Variants in ZNF274 observed in about 807,000 individuals in gnomAD.
ZNF274 encodes the protein zinc finger protein 274.
ZNF274 carries 23 observed loss-of-function variants against 42.5 expected under a neutral mutation model. That is an observed-to-expected ratio of 0.54 (90% CI 0.39 to 0.77). The LOEUF is 0.77. Ranked by LOEUF, ZNF274 falls within the 30% of genes least tolerant of loss-of-function variation. The pLI is 0.00. For synonymous variants in ZNF274, 292 were observed against 305.4 expected, an observed-to-expected ratio of 0.96 and a Z score of 0.46; for missense variants, 679 against 806.5, an observed-to-expected ratio of 0.84 and a Z score of 1.91.
chr19:58,205,143 T>A (rs1037923387), intron 4 of ZNF274, among the ~76,000 whole-genome samples: 12 of 152,302 alleles, frequency 7.9e-5, no homozygotes, highest in Non-Finnish European at 1.6e-4. Flanking sequence ...CTCCAGTAGA[T>A]TCATCCCGTG....
intron 4 of ZNF274, among the ~76,000 whole-genome samples, chr19:58,200,702 G>A (rs1200662722): frequency 6.6e-6 from 1 of 152,192 alleles, no homozygotes; most frequent in Non-Finnish European, 1.5e-5. Flanking sequence ...GATGGTGGCT[G>A]TGGGAGACCC....
intron 4 of ZNF274, among the ~76,000 whole-genome samples, chr19:58,188,690 A>ATATG (rs1483822386): frequency 4.4e-5 from 3 of 68,244 alleles, no homozygotes; most frequent in South Asian, 6.3e-4. Flanking sequence ...ATATATATGT[A>ATATG]TATGTATATA....
At chr19:58,190,151 CTT>C (rs527745785) in intron 4 of ZNF274, among the ~76,000 whole-genome samples, 37 of 130,772 alleles carry the variant, frequency 2.8e-4, no homozygotes, top group Admixed American at 4.0e-4. Context: ...TTATCTCTCT[CTT>C]TTTTTTTTTT....
chr19:58,209,748 T>C, intron 5 of ZNF274: 1 of 476,690 alleles, frequency 2.1e-6, no homozygotes, highest in South Asian at 2.5e-5. Context: ...CCTTGGAGGG[T>C]GAGCCATCCC....
intron 2 of ZNF274, 144 bp from the exon 3 acceptor site, chr19:58,185,568 A>G (rs947043098): frequency 4.9e-6 from 4 of 818,376 alleles, no homozygotes; most frequent in Admixed American, 3.3e-5. Flanking sequence ...AGACAAAGAC[A>G]GGAACTCAGG....
Position 58,212,954 on chromosome 19 carries a change from C to T in ZNF274, c.1773C>T (p.Tyr591=). 1 of 1,613,974 alleles carries T rather than the reference C, an allele frequency of 6.2e-7. No homozygotes were observed. Among genetic ancestry groups the T allele is most frequent in the Non-Finnish European group, 8.5e-7 (1 of 1,179,868 alleles). ...HLRTHTGAKP[Y]KCQDCGKAFR... ...GGACTCACACTGGCGCTAAGCCCTA[C>T]AAGTGTCAGGACTGTGGAAAAGCCT... Residue 591 remains tyrosine, a synonymous_variant, in exon 8 of 8, where the codon TAC becomes TAT. Coordinates refer to ENST00000617501, the MANE Select transcript of ZNF274 (RefSeq NM_133502.3). The surrounding 1 kb of genome is among the most constrained non-coding windows in gnomAD (Gnocchi z 4.6).
At chr19:58,202,249 T>C (rs2075921760) in intron 4 of ZNF274, 1 of 152,230 alleles carries the variant, frequency 6.6e-6, no homozygotes, top group Non-Finnish European at 1.5e-5. Flanking sequence ...AACAGCACTG[T>C]GAGGAAGACA....
Position 58,212,608 on chromosome 19 carries a change from A to G in ZNF274, c.1427A>G (p.Gln476Arg), listed in dbSNP as rs759186966. ...VKIHQKSCER[Q>R]KAKEGNGCRK... is the part of the protein sequence containing the mutation. ...ATTCATCAGAAGAGCTGTGAAAGGC[A>G]AAAGGCCAAGGAAGGCAATGGTTGT... Residue 476 changes from glutamine to arginine, a missense_variant, in exon 8 of 8, where the codon CAA (glutamine) becomes CGA (arginine). Gln to Arg is a conservative substitution (Grantham distance 43, BLOSUM62 1). Transcript: ENST00000617501. This position sits in a 1 kb window ranked among gnomAD's most constrained non-coding sequence, Gnocchi z 4.6. 5 of 1,613,908 alleles carry G rather than the reference A, an allele frequency of 3.1e-6. No individual in the cohort carries two copies. The East Asian group carries it at 8.9e-5, about 29-fold the overall frequency.
Position 58,211,465 on chromosome 19 carries a change from A to G in ZNF274, c.853-95A>G. ...AAGCAGGAGAGTCCCTAGCACCGTGAGCTCTGTCAGAACCTCCCAGCTGGC... is the reference window on the plus strand; with the variant it reads ...AAGCAGGAGAGTCCCTAGCACCGTGGGCTCTGTCAGAACCTCCCAGCTGGC... On this transcript the variant is annotated intron_variant, in intron 6 of 7. Transcript: ENST00000617501. This position sits in a 1 kb window ranked among gnomAD's most constrained non-coding sequence, Gnocchi z 4.8. 1 of 1,475,134 alleles carries G rather than the reference A, an allele frequency of 6.8e-7. No homozygotes were observed. Among genetic ancestry groups the G allele is most frequent in the Non-Finnish European group, 9.1e-7 (1 of 1,096,732 alleles). 91.4% of individuals were successfully genotyped at this position (1,475,134 alleles called of 1,614,324 possible). A position where few individuals can be genotyped will look rare whatever the true frequency, so the allele number is the denominator to read the frequency against.
At chr19:58,201,776 A>G (rs547891517) in intron 4 of ZNF274, among the ~76,000 whole-genome samples, 6 of 152,138 alleles carry the variant, frequency 3.9e-5, no homozygotes, top group African/African-American at 1.4e-4. Flanking sequence ...CGGCCTCCCA[A>G]AGTGCTGGGA....
rs2075984304 is a variant in ZNF274 at position 58,206,859 on chromosome 19, T to C, written c.396T>C (p.Tyr132=). The change falls in exon 5 of 8, where the codon TAT becomes TAC. Residue 132 remains tyrosine (Y), a synonymous_variant. Coordinates refer to ENST00000617501, the MANE Select transcript of ZNF274 (RefSeq NM_133502.3). ...GGAATGCCCAGATCCAGGCCCTATA[T>C]GCTGAAGATGGAAGCCTGAGTGCAG... ...GPRNAQIQAL[Y]AEDGSLSADA... 1.2e-6 allele frequency: 2 copies of C among 1,613,972 alleles called. No homozygotes were observed. The highest frequency in any genetic ancestry group is 1.1e-5 in the South Asian group (1 of 91,052).
At position 58,210,109 on chromosome 19, in the gene ZNF274, A is replaced by G. The variant is rs140213422; in HGVS notation, c.852+36A>G. ...AGTATCACCCTGTTTTGGTCACAGC[A>G]TCTCCTGTGAGGCAGGCCCACCCCT... On this transcript the variant is annotated intron_variant, in intron 6 of 7. Coordinates refer to ENST00000617501, the MANE Select transcript of ZNF274 (RefSeq NM_133502.3). 6.3e-3 allele frequency: 9,963 copies of G among 1,581,010 alleles called. 57 individuals are homozygous for G. Among genetic ancestry groups the G allele is most frequent in the Non-Finnish European group, 7.9e-3 (9,065 of 1,153,372 alleles).
chr19:58,212,868 T>C lies in ZNF274; in HGVS notation c.1687T>C (p.Phe563Leu), dbSNP rs1180891216. Reference sequence around the variant, plus strand: ...GAGAGTTCATTCTGGAGAGAGACCATTTGAATGTCAGGAGTGTGGGAGGAC... The same window carrying C: ...GAGAGTTCATTCTGGAGAGAGACCACTTGAATGTCAGGAGTGTGGGAGGAC... The part of the protein sequence containing the change: ...HQRVHSGERP[F>L]ECQECGRTFN... Residue 563 changes from phenylalanine to leucine, a missense_variant, in exon 8 of 8, where the codon TTT (phenylalanine) becomes CTT (leucine). By Grantham distance (22) the Phe-to-Leu change is conservative (BLOSUM62 0). Around this residue, in one of 2 missense-constraint regions of ZNF274, gnomAD observed 456 missense variants for 590.1 expected, o/e 0.77. Transcript: ENST00000617501. This position sits in a 1 kb window ranked among gnomAD's most constrained non-coding sequence, Gnocchi z 4.6. The C allele has an allele frequency of 6.2e-7, 1 of 1,613,892 alleles. No homozygotes were observed. The highest frequency in any genetic ancestry group is 8.5e-7 in the Non-Finnish European group (1 of 1,179,898).
chr19:58,190,122 C>CAAA (rs531395871), intron 4 of ZNF274, among the ~76,000 whole-genome samples: 1 of 115,632 alleles, frequency 8.6e-6, no homozygotes, highest in Admixed American at 9.2e-5. Context: ...GACTCTATCT[C>CAAA]AAAAAAAAAA....
chr19:58,187,291 G>A (rs775790149), intron 4 of ZNF274, among the ~76,000 whole-genome samples: 10 of 152,320 alleles, frequency 6.6e-5, no homozygotes, highest in South Asian at 6.2e-4. Context: ...TCTGTTACAC[G>A]CATTGTCTAC....
At chr19:58,203,432 A>G (rs2075938936) in intron 4 of ZNF274, among the ~76,000 whole-genome samples, 1 of 152,036 alleles carries the variant, frequency 6.6e-6, no homozygotes, top group South Asian at 2.1e-4. Context: ...AAAAATACAA[A>G]AATTAGCTGG....
chr19:58,191,537 A>G (rs2075779151), intron 4 of ZNF274, among the ~76,000 whole-genome samples: 1 of 152,232 alleles, frequency 6.6e-6, no homozygotes, highest in South Asian at 2.1e-4. Context: ...CATGTCCTGA[A>G]TGGGCAAACC....
At chr19:58,190,103 A>G (rs1050413625) in intron 4 of ZNF274, among the ~76,000 whole-genome samples, 6 of 150,812 alleles carry the variant, frequency 4.0e-5, no homozygotes, top group Admixed American at 2.0e-4. Context: ...AGCCTAGGCG[A>G]CAGAGCAAGA....
intron 4 of ZNF274, among the ~76,000 whole-genome samples, chr19:58,189,208 T>TA (rs1356316767): frequency 6.6e-6 from 1 of 152,224 alleles, no homozygotes; most frequent in Non-Finnish European, 1.5e-5. Context: ...TGTCTACCTT[T>TA]ATGTAGTCTC....
Sources: gnomAD v4.1 joint callset for allele counts (sites outside exome capture counted in the v4.1 genomes callset) on GRCh38, gnomAD v4.1.1 for gene constraint, gnomAD v4.1.1 regional missense constraint, Gnocchi (gnomAD v3.1) non-coding constraint, MANE v1.5 for transcripts, NCBI Gene and HGNC (gene_info 2026-07-23, HGNC 2026-07-21) for gene names.